KAZN: variants seen among roughly 807,000 people sequenced by gnomAD.
KAZN encodes the protein kazrin, periplakin interacting protein, also known as kazrin.
In KAZN, 40 loss-of-function variants were observed where a neutral mutation model predicts 87.4. That is an observed-to-expected ratio of 0.46 (90% CI 0.36 to 0.60). The LOEUF (loss-of-function observed/expected upper bound fraction) is 0.60, where lower values mean the gene tolerates loss of function less well. Ranked by LOEUF, KAZN falls within the 20% of genes least tolerant of loss-of-function variation. The probability of loss-of-function intolerance (pLI) is 0.00; values close to 1 mark genes in which losing one functional copy is unlikely to be tolerated. For synonymous variants in KAZN, 466 were observed against 458.3 expected, an observed-to-expected ratio of 1.02 and a Z score of -0.22; for missense variants, 898 against 1,073.9, an observed-to-expected ratio of 0.84 and a Z score of 2.29.
chr1:14,712,589 G>A (rs141004840), intron 1 of KAZN, among the ~76,000 whole-genome samples: 1 of 152,334 alleles, frequency 6.6e-6, no homozygotes, highest in Non-Finnish European at 1.5e-5. Context: ...TCTGCCAGAA[G>A]CCCATGCTCT....
chr1:14,690,243 G>T (rs986009691), intron 1 of KAZN, among the ~76,000 whole-genome samples: 1 of 152,094 alleles, frequency 6.6e-6, no homozygotes, highest in African/African-American at 2.4e-5. Context: ...TTTCTCAAGC[G>T]CTGGTAATAT....
rs571971448 is a variant in KAZN, at chr1:14,299,509, A to G, written c.249+118917A>G. 1.1e-4 allele frequency among the ~76,000 whole-genome samples: 16 copies of G among 152,174 alleles called. No homozygotes were observed. The South Asian group carries it at 3.3e-3, about 32-fold the overall frequency. On this transcript the variant is annotated intron_variant, in intron 2 of 16. Coordinates refer to the KAZN transcript ENST00000636203. ...CAGAGCAAGCAAGACTGTCTCAAAA[A>G]AAGAAAAGAAAAGAAAAGAATTAGA...
intron 2 of KAZN, among the ~76,000 whole-genome samples, chr1:14,207,677 C>T (rs1260882784): frequency 6.6e-6 from 1 of 152,126 alleles, no homozygotes; most frequent in African/African-American, 2.4e-5. Context: ...GGGTGAGCGC[C>T]CCTTTCACTT....
intron 2 of KAZN, among the ~76,000 whole-genome samples, chr1:15,031,365 C>A (rs1671677597): frequency 1.3e-5 from 2 of 152,214 alleles, no homozygotes; most frequent in South Asian, 4.1e-4. Flanking sequence ...GGGTTAGCCT[C>A]AGAAACCCCT....
chr1:14,419,958 A>G (rs192609281), intron 2 of KAZN, among the ~76,000 whole-genome samples: 3 of 152,282 alleles, frequency 2.0e-5, no homozygotes, highest in African/African-American at 7.2e-5. Context: ...GTGGAAGGGA[A>G]CATTAGGGGA....
intron 8 of KAZN, among the ~76,000 whole-genome samples, chr1:15,083,124 G>T (rs1488519277): frequency 1.3e-5 from 2 of 152,140 alleles, no homozygotes; most frequent in Non-Finnish European, 2.9e-5. Context: ...CCCCATTCAT[G>T]ATGCCATTTG....
intron 2 of KAZN, among the ~76,000 whole-genome samples, chr1:14,562,575 G>A (rs1367526086): frequency 6.6e-6 from 1 of 152,176 alleles, no homozygotes; most frequent in Non-Finnish European, 1.5e-5. Context: ...GAGGTTTTCA[G>A]TCTCTGAAAT....
chr1:15,053,662 T>C (rs1674650871), intron 4 of KAZN, among the ~76,000 whole-genome samples: 1 of 152,206 alleles, frequency 6.6e-6, no homozygotes, highest in African/African-American at 2.4e-5. Context: ...GGTACCCAGG[T>C]TGGATGTTGT....
Position 14,675,776 on chromosome 1 carries a change from C to T in KAZN, c.226+76553C>T, listed in dbSNP as rs139752196. Among the ~76,000 whole-genome samples the T allele has an allele frequency of 4.7e-4, 72 of 152,230 alleles. No homozygotes were observed. In the Middle Eastern group the frequency reaches 0.031, roughly 65 times the overall value. On this transcript the variant is annotated intron_variant, in intron 1 of 14. Coordinates refer to ENST00000376030, the MANE Select transcript of KAZN (RefSeq NM_201628.3). ...AGTACGTGCTCAATAATTGTTTGTT[C>T]ATTGCTTGAGAAATGGGGACTTTGG...
chr1:14,631,514 G>A (rs1679561511), intron 1 of KAZN, among the ~76,000 whole-genome samples: 1 of 152,164 alleles, frequency 6.6e-6, no homozygotes, highest in Admixed American at 6.5e-5. Context: ...GTGTAGAGAC[G>A]CAGGCCAGGC....
chr1:14,677,441 G>A (rs950310737), intron 1 of KAZN, among the ~76,000 whole-genome samples: 2 of 152,210 alleles, frequency 1.3e-5, no homozygotes, highest in East Asian at 3.9e-4. Context: ...GAAATTGACT[G>A]GCTCATGAGT....
intron 1 of KAZN, among the ~76,000 whole-genome samples, chr1:13,916,048 A>G (rs931746491): frequency 6.6e-6 from 1 of 152,178 alleles, no homozygotes; most frequent in Non-Finnish European, 1.5e-5. Flanking sequence ...AGCCCTAACC[A>G]GTAAGGTCTT....
At chr1:14,316,910 A>T (rs1014636459) in intron 2 of KAZN, among the ~76,000 whole-genome samples, 2 of 151,726 alleles carry the variant, frequency 1.3e-5, no homozygotes, top group African/African-American at 4.8e-5. Context: ...ATGATTTTAA[A>T]TTTTTTTCAA....
intron 2 of KAZN, among the ~76,000 whole-genome samples, chr1:14,591,844 C>A (rs549294875): frequency 6.6e-6 from 1 of 152,140 alleles, no homozygotes; most frequent in East Asian, 1.9e-4. Context: ...CAACACTGAA[C>A]GCATAGATTT....
intron 1 of KAZN, among the ~76,000 whole-genome samples, chr1:14,675,060 C>G (rs572956777): frequency 2.0e-5 from 3 of 152,222 alleles, no homozygotes; most frequent in Non-Finnish European, 4.4e-5. Context: ...GTGCCCTGTG[C>G]TGGCATTGAG....
At chr1:14,956,123 A>C (rs541820894) in intron 1 of KAZN, among the ~76,000 whole-genome samples, 3 of 152,270 alleles carry the variant, frequency 2.0e-5, no homozygotes, top group Admixed American at 2.0e-4. Context: ...TCTGTGCAGC[A>C]TACATGACAA....
intron 1 of KAZN, chr1:14,124,336 C>T (rs909532740): frequency 6.6e-6 from 1 of 152,240 alleles, no homozygotes; most frequent in Non-Finnish European, 1.5e-5. Flanking sequence ...CGAAGCTAGC[C>T]CCTGTGATGA....
chr1:14,406,728 A>G (rs1049742877), intron 2 of KAZN, among the ~76,000 whole-genome samples: 4 of 152,222 alleles, frequency 2.6e-5, no homozygotes, highest in Admixed American at 1.3e-4. Flanking sequence ...ACAAGTATTA[A>G]TCTCATCCTA....
intron 2 of KAZN, among the ~76,000 whole-genome samples, chr1:14,470,917 G>T (rs566439182): frequency 6.6e-6 from 1 of 152,144 alleles, no homozygotes; most frequent in Non-Finnish European, 1.5e-5. Flanking sequence ...ATTTGCTCTG[G>T]GGGGAGCCAG....
Sources: gnomAD v4.1 joint callset for allele counts (sites outside exome capture counted in the v4.1 genomes callset) on GRCh38, gnomAD v4.1.1 for gene constraint, MANE v1.5 for transcripts, NCBI Gene and HGNC (gene_info 2026-07-23, HGNC 2026-07-21) for gene names.